PLEKHA6: variants seen among roughly 807,000 people sequenced by gnomAD.
PLEKHA6 encodes pleckstrin homology domain-containing family A member 6.
PLEKHA6 carries 60 observed loss-of-function variants against 116.7 expected under a neutral mutation model. The ratio of observed to expected loss-of-function variants is 0.51; its 90% CI spans 0.42 to 0.64. The LOEUF (loss-of-function observed/expected upper bound fraction) is 0.64. Ranked by LOEUF, PLEKHA6 falls within the 30% of genes least tolerant of loss-of-function variation. PLEKHA6 has a pLI of 0.00. For synonymous variants in PLEKHA6, 489 were observed against 556.1 expected (o/e 0.88, Z 1.70); for missense variants, 1,338 against 1,422.7 (o/e 0.94, Z 0.96).
At chr1:204,262,523 G>A (rs1008296699) in intron 6 of PLEKHA6, among the ~76,000 whole-genome samples, 2 of 152,108 alleles carry the variant, frequency 1.3e-5, no homozygotes, top group African/African-American at 4.8e-5. Flanking sequence ...ATCTAGCAGT[G>A]ATTCAGAGTC....
intron 1 of PLEKHA6, among the ~76,000 whole-genome samples, chr1:204,348,977 G>A (rs1673177272): frequency 6.6e-6 from 1 of 152,190 alleles, no homozygotes; most frequent in Non-Finnish European, 1.5e-5. Context: ...AGCTTGTCGG[G>A]AGGGGTTAGC....
chr1:204,357,698 C>T lies in PLEKHA6; in HGVS notation c.-95+1996G>A, dbSNP rs193097204. ...AATTCACAACAGGCAGTGAGGAAGA[C>T]GATGAGGAAATTGGCTCGGAGAACG... On this transcript the variant is annotated intron_variant, in intron 1 of 22. Coordinates refer to ENST00000272203, the MANE Select transcript of PLEKHA6 (RefSeq NM_014935.5). 2.1e-3 allele frequency among the ~76,000 whole-genome samples: 320 copies of T among 152,324 alleles called. 3 individuals are homozygous for T. Among genetic ancestry groups the T allele is most frequent in the Non-Finnish European group, 9.3e-4 (63 of 68,024 alleles).
chr1:204,243,847 G>A (rs906366762), intron 15 of PLEKHA6, among the ~76,000 whole-genome samples: 2 of 152,038 alleles, frequency 1.3e-5, no homozygotes, highest in African/African-American at 2.4e-5. Flanking sequence ...TTGAGATGGA[G>A]TCTGGCTCTG....
chr1:204,280,549 C>T (rs1027125949), intron 1 of PLEKHA6: 53 of 726,746 alleles, frequency 7.3e-5, no homozygotes, highest in Admixed American at 1.3e-4. Context: ...ATCCTGAGGA[C>T]GCCTTGGCTT....
chr1:204,244,821 T>C (rs1663408390), intron 15 of PLEKHA6, 43 bp downstream of exon 15: 2 of 1,461,332 alleles, frequency 1.4e-6, no homozygotes, highest in Non-Finnish European at 1.8e-6. Context: ...GAGGATCTGG[T>C]CCTCCCTCCC....
intron 1 of PLEKHA6, among the ~76,000 whole-genome samples, chr1:204,357,498 G>A (rs995764695): frequency 6.6e-6 from 1 of 152,166 alleles, no homozygotes; most frequent in Non-Finnish European, 1.5e-5. Context: ...TGCTTTAAGT[G>A]TTTGGAGACT....
intron 1 of PLEKHA6, chr1:204,282,921 C>T (rs2102976590): frequency 2.4e-6 from 1 of 416,606 alleles, no homozygotes; most frequent in Non-Finnish European, 3.2e-6. Flanking sequence ...GGCCCCAGCC[C>T]CCTCGCCTCC....
intron 1 of PLEKHA6, chr1:204,320,497 T>G (rs1405191735): frequency 1.0e-6 from 1 of 982,970 alleles, no homozygotes; most frequent in Non-Finnish European, 1.2e-6. Context: ...GCTTGGTGCC[T>G]GCATGACTCA....
chr1:204,258,476 G>A (rs1039766429), intron 8 of PLEKHA6, among the ~76,000 whole-genome samples: 2 of 152,154 alleles, frequency 1.3e-5, no homozygotes, highest in Non-Finnish European at 2.9e-5. Flanking sequence ...GTAGATTCTT[G>A]GGACTCATCC....
chr1:204,325,404 G>A (rs922754733), intron 1 of PLEKHA6, among the ~76,000 whole-genome samples: 6 of 152,162 alleles, frequency 3.9e-5, no homozygotes, highest in African/African-American at 1.2e-4. Flanking sequence ...TGCTCAAACC[G>A]GGACAGTCTC....
At chr1:204,260,677 C>G (rs1240441700) in intron 7 of PLEKHA6, among the ~76,000 whole-genome samples, 1 of 152,184 alleles carries the variant, frequency 6.6e-6, no homozygotes, top group African/African-American at 2.4e-5. Context: ...CTGTGAAACC[C>G]CCTTTTCCTG....
chr1:204,232,541 A>G (rs940466306), intron 17 of PLEKHA6, among the ~76,000 whole-genome samples: 4 of 152,248 alleles, frequency 2.6e-5, no homozygotes, highest in African/African-American at 9.6e-5. Context: ...GGGGGTCTAC[A>G]AAGTTTTTGA....
chr1:204,238,321 T>C lies in PLEKHA6; in HGVS notation c.2409+3054A>G, dbSNP rs996108666. 1.3e-5 allele frequency among the ~76,000 whole-genome samples: 2 copies of C among 152,130 alleles called. No individual in the cohort carries two copies. The highest frequency in any genetic ancestry group is 2.9e-5 in the Non-Finnish European group (2 of 68,018). On this transcript the variant is annotated intron_variant, in intron 17 of 22. Coordinates refer to ENST00000272203, the MANE Select transcript of PLEKHA6 (RefSeq NM_014935.5). The surrounding 1 kb of genome is among the most constrained non-coding windows in gnomAD (Gnocchi z 4.2). ...GTTTGGAGCCTTTGGCAGGCCCCCA[T>C]AGGTGAATCACAGCAGAAGCCCCTA...
At chr1:204,283,900 G>A (rs1235888525) in intron 1 of PLEKHA6, among the ~76,000 whole-genome samples, 2 of 152,156 alleles carry the variant, frequency 1.3e-5, no homozygotes, top group Non-Finnish European at 2.9e-5. Flanking sequence ...TTATTGCTGT[G>A]CCCCTGCCCA....
At chr1:204,244,509 G>C (rs1000911653) in intron 15 of PLEKHA6, among the ~76,000 whole-genome samples, 2 of 152,074 alleles carry the variant, frequency 1.3e-5, no homozygotes, top group African/African-American at 4.8e-5. Flanking sequence ...CTTGCTGATT[G>C]ACTGACTAGG....
chr1:204,241,368 T>G lies in PLEKHA6; in HGVS notation c.2409+7A>C, dbSNP rs780896353. The G allele has an allele frequency of 2.0e-5, 32 of 1,578,490 alleles. No homozygotes were observed. The African/African-American group carries it at 4.2e-4, about 21-fold the overall frequency. On this transcript the variant is annotated splice_region_variant and intron_variant, in intron 17 of 22. Transcript: ENST00000272203. Reference sequence around the variant, plus strand: ...TCAGGCCTGCATGAGCTTGCAGAGGTACCCACCTGGGAGGAGAGTCCATTG... The same window carrying G: ...TCAGGCCTGCATGAGCTTGCAGAGGGACCCACCTGGGAGGAGAGTCCATTG...
In PLEKHA6 at chr1:204,228,185, C is replaced by G; in HGVS notation, c.2929G>C (p.Val977Leu). The G allele has an allele frequency of 1.9e-6, 3 of 1,612,312 alleles. No homozygotes were observed. The highest frequency in any genetic ancestry group is 1.3e-5 in the African/African-American group (1 of 74,992). The stretch of plus-strand genomic sequence containing the variant: ...AGCTGGCTCTCTGAGTCCTGGGGCA[C>G]GTCCACAGAGTCCCCCTCGCCGATG... ...VPIGEGDSVD[V>L]PQDSESQLQE... The change falls in exon 21 of 23, where the codon GTG (valine) becomes CTG (leucine). Residue 977 changes from valine (V) to leucine (L), a missense_variant. Physicochemically the swap from Val to Leu is conservative, Grantham distance 32. This residue lies in a region of PLEKHA6 where 1,136 missense variants were observed against 1,163.6 expected (regional missense o/e 0.98). Coordinates refer to ENST00000272203, the MANE Select transcript of PLEKHA6 (RefSeq NM_014935.5). The surrounding 1 kb of genome is among the most constrained non-coding windows in gnomAD (Gnocchi z 4.0).
chr1:204,362,097 G>A (rs1436416722), upstream of PLEKHA6, among the ~76,000 whole-genome samples: 1 of 152,222 alleles, frequency 6.6e-6, no homozygotes, highest in Non-Finnish European at 1.5e-5. Context: ...AAGCCAAAGG[G>A]AGGGTCGGTG....
intron 1 of PLEKHA6, among the ~76,000 whole-genome samples, chr1:204,328,650 T>A (rs1464904911): frequency 6.6e-6 from 1 of 152,194 alleles, no homozygotes; most frequent in Non-Finnish European, 1.5e-5. Context: ...GCTCCCAAAG[T>A]GCTGGGATTA....
Sources: gnomAD v4.1 joint callset for allele counts (sites outside exome capture counted in the v4.1 genomes callset) on GRCh38, gnomAD v4.1.1 for gene constraint, gnomAD v4.1.1 regional missense constraint, Gnocchi (gnomAD v3.1) non-coding constraint, MANE v1.5 for transcripts, NCBI Gene and HGNC (gene_info 2026-07-23, HGNC 2026-07-21) for gene names.